The following CCDC33 variants were observed in gnomAD, a reference collection of about 807,000 sequenced individuals.
CCDC33 encodes coiled-coil domain-containing protein 33.
CCDC33 carries 94 observed loss-of-function variants against 91.9 expected under a neutral mutation model. That is an observed-to-expected ratio of 1.02 (90% confidence interval 0.87 to 1.21). CCDC33 has a LOEUF of 1.21. Among genes scored for constraint, CCDC33 ranks in the 50% most tolerant of loss-of-function variants. The pLI is 0.00. For synonymous variants in CCDC33, 396 were observed against 374.5 expected (o/e 1.06, Z -0.66); for missense variants, 940 against 935.5 (o/e 1.00, Z -0.06).
chr15:74,288,720 A>G (rs938840779), intron 10 of CCDC33, among the ~76,000 whole-genome samples: 3 of 152,266 alleles, frequency 2.0e-5, no homozygotes, highest in African/African-American at 7.2e-5. Flanking sequence ...TTATCATGCA[A>G]CACACTCACA....
Position 74,316,090 on chromosome 15 carries a change from G to A in CCDC33, c.1291-14099G>A, listed in dbSNP as rs1411046792. ...CTTGTGTGTCTCACCCAGTGATAAG[G>A]GGTGGGCAAGGGGCAGGGGTGGGGG... is the stretch of plus-strand genomic sequence containing the variant. On this transcript the variant is annotated intron_variant, in intron 11 of 18. Transcript: ENST00000398814. This position sits in a 1 kb window ranked among gnomAD's most constrained non-coding sequence, Gnocchi z 4.7. Among the ~76,000 whole-genome samples, 1 of 152,202 alleles carries A rather than the reference G, an allele frequency of 6.6e-6. No homozygotes were observed. The highest frequency in any genetic ancestry group is 1.5e-5 in the Non-Finnish European group (1 of 68,038).
At chr15:74,207,483 G>A (rs1310701238) in intron 1 of CCDC33, among the ~76,000 whole-genome samples, 1 of 152,102 alleles carries the variant, frequency 6.6e-6, no homozygotes, top group Non-Finnish European at 1.5e-5. Flanking sequence ...ACCACAGATT[G>A]GAACAAGATG....
chr15:74,241,720 T>TA (rs2075355649), intron 1 of CCDC33, among the ~76,000 whole-genome samples: 1 of 152,146 alleles, frequency 6.6e-6, no homozygotes, highest in South Asian at 2.1e-4. Flanking sequence ...AGTCGGGACA[T>TA]ACAGGTGTCT....
intron 7 of CCDC33, among the ~76,000 whole-genome samples, chr15:74,277,993 G>T (rs760660146): frequency 1.2e-4 from 18 of 152,214 alleles, no homozygotes; most frequent in Non-Finnish European, 2.1e-4. Context: ...GGAGAATGGG[G>T]TGACTCTGGG....
intron 1 of CCDC33, among the ~76,000 whole-genome samples, chr15:74,237,135 C>T (rs1740807798): frequency 6.6e-6 from 1 of 152,242 alleles, no homozygotes; most frequent in Admixed American, 6.5e-5. Flanking sequence ...CCATGCTCTC[C>T]AATCCCTGGC....
At chr15:74,331,354 C>T (rs1300931306) in intron 15 of CCDC33, 58 bp downstream of exon 15, 6 of 1,555,850 alleles carry the variant, frequency 3.9e-6, no homozygotes, top group East Asian at 2.3e-5. Context: ...CCTGGAGGCC[C>T]TGCCTTCCTG....
chr15:74,211,534 C>A (rs1211982539), intron 2 of CCDC33, among the ~76,000 whole-genome samples: 3 of 151,546 alleles, frequency 2.0e-5, no homozygotes, highest in Non-Finnish European at 4.4e-5. Flanking sequence ...CCGAGTAGCT[C>A]GGATTACAGG....
chr15:74,277,357 G>C (rs1326301939), intron 7 of CCDC33, among the ~76,000 whole-genome samples: 7 of 152,250 alleles, frequency 4.6e-5, no homozygotes, highest in Non-Finnish European at 1.0e-4. Flanking sequence ...CTATGCCTGG[G>C]CAGAGCAGGC....
At chr15:74,326,422 CCT>C (rs1394328745) in intron 11 of CCDC33, among the ~76,000 whole-genome samples, 2 of 152,222 alleles carry the variant, frequency 1.3e-5, no homozygotes, top group Admixed American at 1.3e-4. Flanking sequence ...GTTCATGCCC[CCT>C]CTCTCTCCAC....
At chr15:74,204,662 G>A (rs1408188064) in intron 1 of CCDC33, among the ~76,000 whole-genome samples, 1 of 152,230 alleles carries the variant, frequency 6.6e-6, no homozygotes, top group South Asian at 2.1e-4. Flanking sequence ...GCCAGGTGTG[G>A]TGGCTTACAC....
At chr15:74,216,419 G>C (rs2074448332), upstream of CCDC33, among the ~76,000 whole-genome samples, 1 of 150,712 alleles carries the variant, frequency 6.6e-6, no homozygotes, top group Non-Finnish European at 1.5e-5. Flanking sequence ...TTACAAGTCA[G>C]GCGACTAGAA....
intron 10 of CCDC33, among the ~76,000 whole-genome samples, chr15:74,282,190 A>ATTT (rs2059381529): frequency 6.6e-6 from 1 of 152,208 alleles, no homozygotes; most frequent in South Asian, 2.1e-4. Context: ...AACAATGCCC[A>ATTT]TTTATTAGCT....
intron 10 of CCDC33, among the ~76,000 whole-genome samples, chr15:74,288,267 A>C (rs897079700): frequency 2.0e-5 from 3 of 152,160 alleles, no homozygotes; most frequent in Non-Finnish European, 2.9e-5. Context: ...AGGGCCTGTC[A>C]GCCCTACTGA....
intron 5 of CCDC33, 86 bp from the exon 6 acceptor site, chr15:74,271,617 A>G: frequency 1.0e-6 from 1 of 966,744 alleles, no homozygotes; most frequent in East Asian, 2.5e-5. Context: ...GGATGGGGAA[A>G]AAGAGGGTAG....
chr15:74,310,294 T>G (rs1655691715), intron 11 of CCDC33, among the ~76,000 whole-genome samples: 1 of 152,072 alleles, frequency 6.6e-6, no homozygotes, highest in South Asian at 2.1e-4. Flanking sequence ...ATCCCAGCAC[T>G]TTGGAAGGCC....
In CCDC33 at chr15:74,290,495, A is replaced by G. The variant is rs529130409; in HGVS notation, c.1096-5259A>G. On this transcript the variant is annotated intron_variant, in intron 10 of 18. Coordinates refer to ENST00000398814, the MANE Select transcript of CCDC33 (RefSeq NM_025055.5). ...CAGTAAAGCACCCCAACAGATCACT[A>G]TCACCCATCTTACTAAGGGTCCTGG... 1.6e-4 allele frequency among the ~76,000 whole-genome samples: 24 copies of G among 152,324 alleles called. No individual in the cohort carries two copies. In the South Asian group the frequency reaches 3.5e-3, roughly 22 times the overall value.
At chr15:74,222,327 A>T (rs1292407542) in intron 2 of CCDC33, among the ~76,000 whole-genome samples, 2 of 152,090 alleles carry the variant, frequency 1.3e-5, no homozygotes, top group Non-Finnish European at 1.5e-5. Context: ...TCTGGGAGCC[A>T]TCCTGGGGGC....
chr15:74,306,628 C>T (rs75991883), intron 11 of CCDC33, among the ~76,000 whole-genome samples: 1,634 of 152,292 alleles, frequency 0.011, 17 homozygotes, highest in Middle Eastern at 0.051. Context: ...CTGTCTGGAC[C>T]TCAGTTTCTC....
intron 17 of CCDC33, 111 bp downstream of exon 17, chr15:74,334,078 CT>C: frequency 1.1e-6 from 1 of 944,360 alleles, no homozygotes; most frequent in Non-Finnish European, 1.6e-6. Flanking sequence ...AGGATCAAGG[CT>C]TAGTGTGTGG....
Sources: allele counts gnomAD v4.1 joint callset (sites outside exome capture counted in the v4.1 genomes callset), GRCh38; gene constraint gnomAD v4.1.1; non-coding constraint Gnocchi (gnomAD v3.1); transcripts MANE v1.5; gene names NCBI Gene and HGNC (gene_info 2026-07-23, HGNC 2026-07-21).